Variants in SUGCT observed in about 807,000 individuals in gnomAD.
SUGCT encodes the protein succinyl-CoA:glutarate-CoA transferase, also known as succinyl-CoA:glutarate CoA-transferase.
Under a neutral mutation model 55.0 loss-of-function variants are expected in SUGCT, and 41 were observed. The ratio of observed to expected loss-of-function variants is 0.74; its 90% CI spans 0.58 to 0.97. SUGCT has a LOEUF of 0.97. Among genes scored for constraint, SUGCT ranks in the 50% least tolerant of loss-of-function variants. The pLI, the probability that SUGCT is intolerant of heterozygous loss-of-function variation, is 0.00. For synonymous variants in SUGCT, 187 were observed against 200.4 expected, an observed-to-expected ratio of 0.93 and a Z score of 0.56; for missense variants, 568 against 547.8, an observed-to-expected ratio of 1.04 and a Z score of -0.37.
intron 11 of SUGCT, among the ~76,000 whole-genome samples, chr7:40,487,051 A>G (rs189248945): frequency 8.3e-4 from 125 of 149,876 alleles, no homozygotes; most frequent in Non-Finnish European, 1.1e-3. Context: ...TATTTTGGTC[A>G]GAAAAGATAG....
intron 9 of SUGCT, among the ~76,000 whole-genome samples, chr7:40,357,874 A>T (rs1797954870): frequency 6.6e-6 from 1 of 152,196 alleles, no homozygotes; most frequent in Admixed American, 6.5e-5. Flanking sequence ...CCAAAAATGG[A>T]CAGCAGGCTG....
chr7:40,924,869 T>TCAC, the SUGCT span, among the ~76,000 whole-genome samples: 10 of 152,360 alleles, frequency 6.6e-5, no homozygotes, highest in Non-Finnish European at 1.3e-4. Flanking sequence ...TCACAGATTG[T>TCAC]AAGATGCTTT....
the SUGCT span, among the ~76,000 whole-genome samples, chr7:40,952,433 G>A: frequency 3.3e-5 from 5 of 152,194 alleles, 1 homozygote; most frequent in South Asian, 1.0e-3. Context: ...TCTTTTAATT[G>A]GAGCATTTAG....
chr7:40,253,389 C>T (rs1790573756), intron 7 of SUGCT, among the ~76,000 whole-genome samples: 1 of 152,178 alleles, frequency 6.6e-6, no homozygotes, highest in African/African-American at 2.4e-5. Flanking sequence ...TTCTTCATAA[C>T]AGTCATCTTC....
chr7:40,400,929 C>G (rs1786028473), intron 9 of SUGCT, among the ~76,000 whole-genome samples: 1 of 152,088 alleles, frequency 6.6e-6, no homozygotes, highest in Non-Finnish European at 1.5e-5. Context: ...TGAACAAGGC[C>G]AGATGGAACT....
intron 1 of SUGCT, among the ~76,000 whole-genome samples, chr7:40,174,021 T>G (rs2150686455): frequency 6.6e-6 from 1 of 151,020 alleles, no homozygotes; most frequent in East Asian, 1.9e-4. Flanking sequence ...GCTCACTGTA[T>G]TTTTTTTGTT....
the SUGCT span, among the ~76,000 whole-genome samples, chr7:40,880,190 A>T: frequency 2.6e-5 from 4 of 152,114 alleles, no homozygotes; most frequent in Non-Finnish European, 5.9e-5. Context: ...GTATTGTTTG[A>T]TTTATTCTTT....
intron 9 of SUGCT, among the ~76,000 whole-genome samples, chr7:40,441,405 A>T (rs2151412315): frequency 6.6e-6 from 1 of 152,304 alleles, no homozygotes; most frequent in East Asian, 1.9e-4. Flanking sequence ...TTTCAGTATG[A>T]AATTTAATAA....
At chr7:40,922,485 G>T in the SUGCT span, among the ~76,000 whole-genome samples, 1 of 152,154 alleles carries the variant, frequency 6.6e-6, no homozygotes, top group East Asian at 1.9e-4. Flanking sequence ...ATGGGGCAGG[G>T]TTCTTAGTCC....
chr7:40,918,439 C>G, the SUGCT span, among the ~76,000 whole-genome samples: 9 of 128,948 alleles, frequency 7.0e-5, no homozygotes, highest in African/African-American at 2.8e-4. Context: ...CCAGTCTGGG[C>G]GACAGAGCGA....
At chr7:40,334,258 A>G (rs1391084235) in intron 9 of SUGCT, among the ~76,000 whole-genome samples, 2 of 152,184 alleles carry the variant, frequency 1.3e-5, no homozygotes, top group Non-Finnish European at 1.5e-5. Context: ...TCCTTTGGGT[A>G]TATACCCAGT....
chr7:40,377,782 T>C (rs371294131), intron 9 of SUGCT, among the ~76,000 whole-genome samples: 1 of 152,256 alleles, frequency 6.6e-6, no homozygotes, highest in East Asian at 1.9e-4. Context: ...AGCGCAGGTT[T>C]GCTTGCAATT....
rs147886919 is a variant in SUGCT, at chr7:40,145,836, C to T, written c.100+10716C>T. ...CAATTATTAGGCAATTTTCCTAACTCGCTTCTGTTAGAGTTTCCTTATCCC... is the reference window on the plus strand; with the variant it reads ...CAATTATTAGGCAATTTTCCTAACTTGCTTCTGTTAGAGTTTCCTTATCCC... On this transcript the variant is annotated intron_variant, in intron 1 of 13. Coordinates refer to ENST00000335693, the MANE Select transcript of SUGCT (RefSeq NM_001193313.2). 1.8e-4 allele frequency among the ~76,000 whole-genome samples: 27 copies of T among 152,286 alleles called. 1 individual carries two copies. The highest frequency in any genetic ancestry group is 5.5e-4 in the African/African-American group (23 of 41,564).
At chr7:40,243,781 A>T (rs1282544137) in intron 7 of SUGCT, among the ~76,000 whole-genome samples, 1 of 152,226 alleles carries the variant, frequency 6.6e-6, no homozygotes, top group Non-Finnish European at 1.5e-5. Context: ...TTTCCAGTGC[A>T]ATAAATGCTC....
At chr7:40,760,727 A>G (rs1235080835) in intron 13 of SUGCT, among the ~76,000 whole-genome samples, 2 of 152,120 alleles carry the variant, frequency 1.3e-5, no homozygotes, top group Non-Finnish European at 2.9e-5. Context: ...AATGGAGAGC[A>G]TGTAGGCTTA....
chr7:40,950,388 C>A, the SUGCT span, among the ~76,000 whole-genome samples: 1 of 152,192 alleles, frequency 6.6e-6, no homozygotes, highest in African/African-American at 2.4e-5. Context: ...GATATACAAC[C>A]ATGTCATCTG....
intron 10 of SUGCT, among the ~76,000 whole-genome samples, chr7:40,454,741 C>G (rs1420298312): frequency 1.3e-5 from 2 of 152,078 alleles, no homozygotes; most frequent in Non-Finnish European, 2.9e-5. Context: ...GAATGCCAAC[C>G]TAGATTTCAA....
chr7:40,720,506 A>G (rs1786269315), intron 12 of SUGCT, among the ~76,000 whole-genome samples: 1 of 152,174 alleles, frequency 6.6e-6, no homozygotes, highest in Non-Finnish European at 1.5e-5. Flanking sequence ...CTCTTCCCCA[A>G]AATGTATATG....
the SUGCT span, among the ~76,000 whole-genome samples, chr7:41,036,011 A>G: frequency 6.6e-6 from 1 of 152,242 alleles, no homozygotes. Context: ...TTCAACAGAC[A>G]GATGAGCGTC....
Sources: allele counts gnomAD v4.1 joint callset (sites outside exome capture counted in the v4.1 genomes callset), GRCh38; gene constraint gnomAD v4.1.1; transcripts MANE v1.5; gene names NCBI Gene and HGNC (gene_info 2026-07-23, HGNC 2026-07-21).